Variants in RAB36 observed in about 807,000 individuals in gnomAD.
RAB36 encodes RAB36, member RAS oncogene family.
A neutral mutation model predicts 39.3 loss-of-function variants in RAB36; 33 were observed. That is an observed-to-expected ratio of 0.84 (90% CI 0.64 to 1.12). RAB36 has a LOEUF of 1.12. Ranked by LOEUF, RAB36 falls within the 50% of genes most tolerant of loss-of-function variation. The pLI is 0.00. For missense variants in RAB36, 308 were observed against 355.3 expected, an observed-to-expected ratio of 0.87 and a Z score of 1.07; for synonymous variants, 133 against 140.2, an observed-to-expected ratio of 0.95 and a Z score of 0.36.
At chr22:23,161,412 A>G (rs1468192680) in intron 10 of RAB36, 88 bp from the exon 11 acceptor site, 6 of 1,202,594 alleles carry the variant, frequency 5.0e-6, no homozygotes, top group African/African-American at 1.5e-5. Flanking sequence ...TTCAGCTCAC[A>G]GCTCTGACTG....
chr22:23,169,089 T>C (rs2072095751), downstream of RAB36, among the ~76,000 whole-genome samples: 1 of 152,106 alleles, frequency 6.6e-6, no homozygotes, highest in African/African-American at 2.4e-5. Flanking sequence ...TCATCAATAA[T>C]TGATTCTGCA....
rs1246253799 is a variant in RAB36 at position 23,159,265 on chromosome 22, A to G, written c.619+12A>G. On this transcript the variant is annotated intron_variant, in intron 9 of 10. Transcript: ENST00000263116. ...GTCGGCCAAGACTGGTGAGTGGGCC[A>G]GGGCTGTCACCATGGTGGGGCAGAG... 9 of 1,572,764 alleles carry G rather than the reference A, an allele frequency of 5.7e-6. No individual in the cohort carries two copies. The East Asian group carries it at 2.1e-4, about 37-fold the overall frequency.
chr22:23,145,638 G>A, intron 1 of RAB36, 87 bp downstream of exon 1: 1 of 1,402,508 alleles, frequency 7.1e-7, no homozygotes, highest in Non-Finnish European at 9.6e-7. Context: ...CGAGGGCACA[G>A]CGTCCGCGCC....
intron 2 of RAB36, among the ~76,000 whole-genome samples, chr22:23,148,490 C>G (rs79928005): frequency 1.3e-5 from 2 of 152,114 alleles, no homozygotes; most frequent in Non-Finnish European, 1.5e-5. Flanking sequence ...TTGACCTGGC[C>G]GTGTCTGGCT....
At chr22:23,153,161 G>T in intron 5 of RAB36, 27 bp downstream of exon 5, 1 of 1,561,398 alleles carries the variant, frequency 6.4e-7, no homozygotes, top group African/African-American at 1.4e-5. Context: ...CCCATGGCTC[G>T]TGGGCAGCTT....
At chr22:23,156,278 C>T in intron 6 of RAB36, 2 of 437,254 alleles carry the variant, frequency 4.6e-6, no homozygotes, top group South Asian at 4.8e-5. Context: ...GTCTCAGCCC[C>T]AGTTTCAGCT....
chr22:23,156,111 T>TTC (rs767975130), intron 6 of RAB36, 79 bp downstream of exon 6: 1 of 1,156,982 alleles, frequency 8.6e-7, no homozygotes. Context: ...GAATCCCGAG[T>TTC]TCTCTGCACA....
In RAB36 at chr22:23,165,233, A is replaced by G. The variant is rs186924572; in HGVS notation, c.*3669A>G. 6.6e-6 allele frequency among the ~76,000 whole-genome samples: 1 copy of G among 152,340 alleles called. No homozygotes were observed. The highest frequency in any genetic ancestry group is 1.9e-4 in the East Asian group (1 of 5,192). The stretch of plus-strand genomic sequence containing the variant: ...AGGGAAGCAAGAAGGTTGCTCAAAC[A>G]AGACCATGTTCCCAGCAGACAGATT... On this transcript the variant is annotated 3_prime_UTR_variant, in exon 11 of 11. Transcript: ENST00000263116.
chr22:23,161,389 C>T, intron 10 of RAB36, 111 bp from the exon 11 acceptor site: 1 of 995,208 alleles, frequency 1.0e-6, no homozygotes. Context: ...CCTTGAACAG[C>T]AGGCCCAGAA....
chr22:23,166,359 T>TG (rs890356988), downstream of RAB36, among the ~76,000 whole-genome samples: 7 of 23,938 alleles, frequency 2.9e-4, no homozygotes, highest in East Asian at 1.4e-3. Flanking sequence ...GGGGCCAATA[T>TG]GGGGGGGTGG....
chr22:23,160,115 A>T (rs1426728090), intron 9 of RAB36, among the ~76,000 whole-genome samples: 1 of 152,136 alleles, frequency 6.6e-6, no homozygotes, highest in Admixed American at 6.5e-5. Context: ...TACCCTGTGT[A>T]AGAGGGGACA....
rs2146549659 is a variant in RAB36, at chr22:23,155,509, T to C, written c.330-459T>C. ...AACTCCTACTTTGGGACCTGCAGTG[T>C]GGAAGGTGAAGCAATGACCCAGTCA... On this transcript the variant is annotated intron_variant, in intron 5 of 10. Coordinates refer to ENST00000263116, the MANE Select transcript of RAB36 (RefSeq NM_004914.5). Among the ~76,000 whole-genome samples, 3 of 152,306 alleles carry C rather than the reference T, an allele frequency of 2.0e-5. No individual in the cohort carries two copies. The South Asian group carries it at 6.2e-4, about 32-fold the overall frequency.
At chr22:23,167,862 A>AT (rs1036985721), downstream of RAB36, among the ~76,000 whole-genome samples, 69 of 151,192 alleles carry the variant, frequency 4.6e-4, no homozygotes, top group Admixed American at 3.8e-3. Flanking sequence ...ACTAATTCTC[A>AT]TTTTTTTTGA....
rs148961849 is a variant in RAB36, at chr22:23,162,717, C to T, written c.*1153C>T. The T allele has an allele frequency of 2.2e-6, 1 of 456,286 alleles. No homozygotes were observed. Among genetic ancestry groups the T allele is most frequent in the Non-Finnish European group, 4.4e-6 (1 of 226,976 alleles). 28.3% of individuals were successfully genotyped at this position (456,286 alleles called of 1,614,324 possible). A position where few individuals can be genotyped will look rare whatever the true frequency, so the allele number is the denominator to read the frequency against. On this transcript the variant is annotated 3_prime_UTR_variant, in exon 11 of 11. Coordinates refer to ENST00000263116, the MANE Select transcript of RAB36 (RefSeq NM_004914.5). ...GCCCACTCATCCCACCCGTCTCGTG[C>T]TGTTGCTTCCCGTAGATGGCGAGCA...
Position 23,162,429 on chromosome 22 carries a change from G to T in RAB36, c.*865G>T, listed in dbSNP as rs556024789. The T allele has an allele frequency of 4.3e-4, 154 of 356,388 alleles. No individual in the cohort carries two copies. In the Middle Eastern group the frequency reaches 6.0e-3, roughly 14 times the overall value. The allele number at this position is 356,388 out of a possible 1,614,324, so 22.1% of individuals were successfully genotyped here. A position where few individuals can be genotyped will look rare whatever the true frequency, so the allele number is the denominator to read the frequency against. On this transcript the variant is annotated 3_prime_UTR_variant, in exon 11 of 11. Transcript: ENST00000263116. ...CCTCTGGCACTCATGCTGGGCCTGTGCCCACTGCTGCCTCTCCATCCCTCT... is the reference window on the plus strand; with the variant it reads ...CCTCTGGCACTCATGCTGGGCCTGTTCCCACTGCTGCCTCTCCATCCCTCT...
chr22:23,159,544 CCCCATAACTA>C (rs2071659016), intron 9 of RAB36, among the ~76,000 whole-genome samples: 1 of 152,242 alleles, frequency 6.6e-6, no homozygotes, highest in Non-Finnish European at 1.5e-5. Flanking sequence ...AACCGGAGAA[CCCCATAACTA>C]CTCATAACTA....
chr22:23,152,606 A>C, intron 4 of RAB36, 80 bp downstream of exon 4: 1 of 1,339,276 alleles, frequency 7.5e-7, no homozygotes, highest in Non-Finnish European at 1.1e-6. Context: ...CCCAGATAAT[A>C]TCAACATAGC....
downstream of RAB36, among the ~76,000 whole-genome samples, chr22:23,168,444 T>C (rs187635306): frequency 1.6e-3 from 237 of 152,280 alleles, 1 homozygote; most frequent in Non-Finnish European, 2.8e-3. Context: ...CCTCCTCTCC[T>C]GAGGGAGAAG....
chr22:23,153,161 G>A (rs546526314), intron 5 of RAB36, 27 bp downstream of exon 5: 34 of 1,561,396 alleles, frequency 2.2e-5, no homozygotes, highest in East Asian at 1.3e-4. Flanking sequence ...CCCATGGCTC[G>A]TGGGCAGCTT....
Sources: gnomAD v4.1 joint callset for allele counts (sites outside exome capture counted in the v4.1 genomes callset) on GRCh38, gnomAD v4.1.1 for gene constraint, MANE v1.5 for transcripts, NCBI Gene and HGNC (gene_info 2026-07-23, HGNC 2026-07-21) for gene names.